TPH2: variants seen among roughly 807,000 people sequenced by gnomAD.
The protein encoded by TPH2 is tryptophan 5-hydroxylase 2.
Under a neutral mutation model 59.1 loss-of-function variants are expected in TPH2, and 27 were observed. The observed-to-expected ratio is 0.46, with a 90% CI of 0.34 to 0.63. The LOEUF is 0.63. TPH2 is among the 30% of genes least tolerant of loss of function. The probability of loss-of-function intolerance (pLI) is 0.01; values close to 1 mark genes in which losing one functional copy is unlikely to be tolerated. For missense variants in TPH2, 523 were observed against 588.3 expected (o/e 0.89, Z 1.15); for synonymous variants, 220 against 210.5 (o/e 1.05, Z -0.39).
At chr12:71,987,468 T>C in intron 7 of TPH2, among the ~76,000 whole-genome samples, 1 of 152,170 alleles carries the variant, frequency 6.6e-6, no homozygotes, top group East Asian at 1.9e-4. Flanking sequence ...TAGGCTTAGG[T>C]ATAAATACAA....
rs781612841 is a variant in TPH2 at position 71,982,015 on chromosome 12, A to ATTTTTT, written c.941+2940_941+2945dup. ...TTTTTGTGGGTTTCATATCATTCGT[A>ATTTTTT]TTTTTTTTTTTTTTTTTAGACAGAG... On this transcript the variant is annotated intron_variant, in intron 7 of 10. Transcript: ENST00000333850. Among the ~76,000 whole-genome samples, 132 of 60,502 alleles carry ATTTTTT rather than the reference A, an allele frequency of 2.2e-3. 22 individuals carry two copies. The highest frequency in any genetic ancestry group is 5.4e-3 in the African/African-American group (89 of 16,384). 39.7% of individuals were successfully genotyped at this position (60,502 alleles called of 152,430 possible).
intron 8 of TPH2, among the ~76,000 whole-genome samples, 169 bp from the exon 9 acceptor site, chr12:72,022,230 G>T (rs550004430): frequency 6.6e-6 from 1 of 152,252 alleles, no homozygotes; most frequent in South Asian, 2.1e-4. Context: ...CCTAGGGAGA[G>T]AATACTGAGC....
At chr12:72,011,658 T>G (rs191381768) in intron 8 of TPH2, among the ~76,000 whole-genome samples, 39 of 152,280 alleles carry the variant, frequency 2.6e-4, no homozygotes, top group African/African-American at 9.1e-4. Context: ...CCCCTGACAT[T>G]TTTGGATGAG....
rs150929279 is a variant in TPH2 at position 71,939,123 on chromosome 12, T to A, written c.105+32T>A. 9.0e-4 allele frequency: 1,393 copies of A among 1,553,602 alleles called. 19 individuals are homozygous for A. The East Asian group carries it at 0.011, about 12-fold the overall frequency. ...ACTACGTACCTGGCACTATGGAGAA[T>A]TATTTTTTAGGGTGTGACCATCTTC... On this transcript the variant is annotated intron_variant, in intron 1 of 10. Transcript: ENST00000333850.
chr12:71,992,083 A>G (rs1872588915), intron 7 of TPH2, among the ~76,000 whole-genome samples: 1 of 152,212 alleles, frequency 6.6e-6, no homozygotes, highest in South Asian at 2.1e-4. Context: ...TGATTTGGAA[A>G]GTTGAGAAGC....
intron 9 of TPH2, among the ~76,000 whole-genome samples, chr12:72,023,004 C>G (rs980382722): frequency 6.6e-6 from 1 of 152,144 alleles, no homozygotes; most frequent in African/African-American, 2.4e-5. Flanking sequence ...ACAAACCAAA[C>G]AAGTATATTA....
Position 71,941,712 on chromosome 12 carries a change from A to T in TPH2, c.234A>T (p.Val78=), listed in dbSNP as rs780262563. The T allele has an allele frequency of 1.2e-6, 2 of 1,614,068 alleles. No individual in the cohort carries two copies. Among genetic ancestry groups the T allele is most frequent in the Non-Finnish European group, 1.7e-6 (2 of 1,179,940 alleles). The change falls in exon 2 of 11, where the codon GTA becomes GTT. Residue 78 remains valine, a synonymous_variant. Coordinates refer to ENST00000333850, the MANE Select transcript of TPH2 (RefSeq NM_173353.4). ...FSLKNEVGGL[V]KALRLFQEKR... ...TGAAGAATGAAGTTGGTGGATTGGT[A>T]AAAGCACTGAGGCTCTTTCAGGTGA...
At chr12:71,964,619 G>A (rs140808889) in intron 5 of TPH2, 123 of 985,138 alleles carry the variant, frequency 1.2e-4, no homozygotes, top group Non-Finnish European at 1.4e-4. Flanking sequence ...TCATGAAGGT[G>A]GTACCAACTA....
intron 8 of TPH2, among the ~76,000 whole-genome samples, chr12:72,005,842 C>T (rs1318541604): frequency 2.6e-5 from 4 of 152,144 alleles, no homozygotes; most frequent in East Asian, 3.9e-4. Context: ...CCTCAATCTT[C>T]AAATTTTCCT....
At chr12:71,948,067 C>G (rs529348344) in intron 4 of TPH2, among the ~76,000 whole-genome samples, 10 of 152,196 alleles carry the variant, frequency 6.6e-5, no homozygotes, top group African/African-American at 2.4e-4. Context: ...AGTGTTGAAA[C>G]AAGTACTTTC....
At chr12:71,995,813 A>G (rs1872679757) in intron 8 of TPH2, among the ~76,000 whole-genome samples, 1 of 152,186 alleles carries the variant, frequency 6.6e-6, no homozygotes, top group African/African-American at 2.4e-5. Flanking sequence ...AGATTTCTCA[A>G]TGAAATTTAA....
At chr12:72,030,931 T>C (rs1274826035) in intron 9 of TPH2, among the ~76,000 whole-genome samples, 1 of 152,172 alleles carries the variant, frequency 6.6e-6, no homozygotes, top group African/African-American at 2.4e-5. Flanking sequence ...ATTCATAGCA[T>C]AGATTTAAAA....
intron 9 of TPH2, among the ~76,000 whole-genome samples, chr12:72,028,226 C>T (rs947295456): frequency 6.6e-6 from 1 of 152,310 alleles, no homozygotes; most frequent in Non-Finnish European, 1.5e-5. Context: ...TTCTTGCAAA[C>T]TTCAGGATAT....
intron 8 of TPH2, among the ~76,000 whole-genome samples, chr12:71,996,151 C>CA (rs1169006261): frequency 6.6e-6 from 1 of 152,320 alleles, no homozygotes; most frequent in East Asian, 1.9e-4. Context: ...AATTGGCTTC[C>CA]AAAATGGCTC....
intron 7 of TPH2, among the ~76,000 whole-genome samples, chr12:71,981,763 G>T (rs556626352): frequency 1.7e-4 from 26 of 152,064 alleles, no homozygotes; most frequent in African/African-American, 6.0e-4. Context: ...TTGGGTTTGG[G>T]GTATTTTGTC....
In TPH2 at chr12:71,962,025, T is replaced by G. The variant is rs540801470; in HGVS notation, c.609-10494T>G. 8.7e-6 allele frequency: 9 copies of G among 1,030,632 alleles called. No individual in the cohort carries two copies. In the South Asian group the frequency reaches 2.9e-4, roughly 34 times the overall value. 63.8% of individuals were successfully genotyped at this position (1,030,632 alleles called of 1,614,324 possible). A position where few individuals can be genotyped will look rare whatever the true frequency, so the allele number is the denominator to read the frequency against. On this transcript the variant is annotated intron_variant, in intron 5 of 10. Coordinates refer to ENST00000333850, the MANE Select transcript of TPH2 (RefSeq NM_173353.4). ...TGCAAAACTCATTTGCAAAAGCAAATAAAATATGTGATCGCAAATGCTCTT... is the reference window on the plus strand; with the variant it reads ...TGCAAAACTCATTTGCAAAAGCAAAGAAAATATGTGATCGCAAATGCTCTT...
At chr12:71,995,693 A>G (rs1001530252) in intron 8 of TPH2, among the ~76,000 whole-genome samples, 1 of 152,208 alleles carries the variant, frequency 6.6e-6, no homozygotes, top group Non-Finnish European at 1.5e-5. Context: ...CAAGGACAGC[A>G]TGTCTCTTGT....
chr12:71,963,714 C>A (rs1203871232), intron 5 of TPH2, among the ~76,000 whole-genome samples: 1 of 45,930 alleles, frequency 2.2e-5, no homozygotes, highest in African/African-American at 6.3e-5. Context: ...GAGGCTGAGG[C>A]AGAAGAATTG....
intron 9 of TPH2, among the ~76,000 whole-genome samples, chr12:72,028,626 C>T (rs924554792): frequency 2.0e-5 from 3 of 152,030 alleles, no homozygotes; most frequent in African/African-American, 7.3e-5. Flanking sequence ...ACTGGCTGCT[C>T]CCCCATCTCC....
Sources: allele counts gnomAD v4.1 joint callset (sites outside exome capture counted in the v4.1 genomes callset), GRCh38; gene constraint gnomAD v4.1.1; transcripts MANE v1.5; gene names NCBI Gene and HGNC (gene_info 2026-07-23, HGNC 2026-07-21).